SAMSN1: variants seen among roughly 807,000 people sequenced by gnomAD.
SAMSN1 encodes SAM domain-containing protein SAMSN-1.
A neutral mutation model predicts 42.0 loss-of-function variants in SAMSN1; 31 were observed. The observed-to-expected ratio is 0.74, with a 90% CI of 0.55 to 1.00. The LOEUF (loss-of-function observed/expected upper bound fraction) is 1.00, where lower values mean the gene tolerates loss of function less well. Ranked by LOEUF, SAMSN1 falls within the 50% of genes least tolerant of loss-of-function variation. The probability of loss-of-function intolerance (pLI) is 0.00; values close to 1 mark genes in which losing one functional copy is unlikely to be tolerated. For missense variants in SAMSN1, 464 were observed against 439.4 expected (o/e 1.06, Z -0.50); for synonymous variants, 178 against 151.9 (o/e 1.17, Z -1.26).
At chr21:14,632,419 G>T in intron 2 of SAMSN1, among the ~76,000 whole-genome samples, 1 of 151,820 alleles carries the variant, frequency 6.6e-6, no homozygotes, top group East Asian at 1.9e-4. Context: ...TATTAGTTAT[G>T]TATTGTGCAA....
intron 2 of SAMSN1, among the ~76,000 whole-genome samples, chr21:14,571,101 C>T (rs543906587): frequency 3.3e-5 from 5 of 152,164 alleles, no homozygotes; most frequent in Admixed American, 6.6e-5. Context: ...CTATTATTGG[C>T]CTTCACAGAA....
chr21:14,634,370 G>A (rs912222414), intron 2 of SAMSN1, among the ~76,000 whole-genome samples: 1 of 151,988 alleles, frequency 6.6e-6, no homozygotes, highest in Admixed American at 6.6e-5. Context: ...TCATCAGAAT[G>A]AACAGGCAAT....
At chr21:14,606,936 C>T (rs1333636652) in intron 5 of SAMSN1, among the ~76,000 whole-genome samples, 1 of 152,058 alleles carries the variant, frequency 6.6e-6, no homozygotes, top group East Asian at 1.9e-4. Context: ...TTCATCAGGT[C>T]CCAATACTCT....
At chr21:14,615,857 C>G in intron 3 of SAMSN1, 1 of 323,464 alleles carries the variant, frequency 3.1e-6, no homozygotes, top group Non-Finnish European at 5.4e-6. Context: ...TTGTACATGA[C>G]AGCTGCAAAA....
intron 1 of SAMSN1, among the ~76,000 whole-genome samples, chr21:14,541,910 A>G (rs992802505): frequency 9.9e-5 from 15 of 152,020 alleles, no homozygotes; most frequent in Admixed American, 5.9e-4. Context: ...GGAGAGTCAC[A>G]TAAGCTCAGG....
At chr21:14,637,944 T>A (rs1208030153) in intron 2 of SAMSN1, among the ~76,000 whole-genome samples, 1 of 152,160 alleles carries the variant, frequency 6.6e-6, no homozygotes, top group Non-Finnish European at 1.5e-5. Flanking sequence ...TGTGTGTGTG[T>A]GTTTTGGTTT....
chr21:14,645,032 T>G (rs1254643601), intron 1 of SAMSN1, among the ~76,000 whole-genome samples: 3 of 152,148 alleles, frequency 2.0e-5, no homozygotes, highest in African/African-American at 7.2e-5. Context: ...TGTTTTAGAC[T>G]CTAATCCCTG....
chr21:14,521,850 A>C (rs1054125331), intron 1 of SAMSN1, among the ~76,000 whole-genome samples: 8 of 152,040 alleles, frequency 5.3e-5, no homozygotes, highest in African/African-American at 1.9e-4. Flanking sequence ...CATCCTGTAC[A>C]TGTACCCCGA....
intron 5 of SAMSN1, among the ~76,000 whole-genome samples, chr21:14,602,443 T>C (rs1439723598): frequency 1.3e-5 from 2 of 152,178 alleles, no homozygotes; most frequent in Non-Finnish European, 2.9e-5. Flanking sequence ...CATGCAGTTA[T>C]CACCTCACCT....
At chr21:14,531,234 C>T (rs1400277106) in intron 1 of SAMSN1, among the ~76,000 whole-genome samples, 2 of 151,910 alleles carry the variant, frequency 1.3e-5, no homozygotes, top group African/African-American at 4.8e-5. Context: ...AACTTAAATA[C>T]CAAATTTATT....
intron 2 of SAMSN1, among the ~76,000 whole-genome samples, chr21:14,624,912 C>A (rs997540924): frequency 6.6e-6 from 1 of 152,120 alleles, no homozygotes; most frequent in Non-Finnish European, 1.5e-5. Context: ...AGTAGCCCAT[C>A]AAAAAGCTTA....
At chr21:14,607,984 G>T (rs1281523067) in intron 5 of SAMSN1, among the ~76,000 whole-genome samples, 1 of 152,204 alleles carries the variant, frequency 6.6e-6, no homozygotes, top group East Asian at 1.9e-4. Flanking sequence ...AGGTGTGGAT[G>T]CATATAGCTG....
At chr21:14,578,384 A>AG (rs1981575854) in intron 2 of SAMSN1, among the ~76,000 whole-genome samples, 2 of 152,166 alleles carry the variant, frequency 1.3e-5, no homozygotes, top group South Asian at 4.1e-4. Flanking sequence ...TGGGTGAACA[A>AG]GGACTTCCTC....
intron 5 of SAMSN1, among the ~76,000 whole-genome samples, chr21:14,606,312 T>A (rs1227707561): frequency 6.6e-6 from 1 of 152,230 alleles, no homozygotes; most frequent in South Asian, 2.1e-4. Flanking sequence ...ACTGATTGAT[T>A]GAAAAATTTC....
intron 1 of SAMSN1, among the ~76,000 whole-genome samples, chr21:14,649,084 G>A (rs1479291887): frequency 1.3e-5 from 2 of 151,998 alleles, no homozygotes; most frequent in Non-Finnish European, 2.9e-5. Flanking sequence ...GGAATACTAT[G>A]CAGCCATAAA....
chr21:14,539,182 T>C (rs954768607), intron 1 of SAMSN1, among the ~76,000 whole-genome samples: 1 of 152,208 alleles, frequency 6.6e-6, no homozygotes, highest in African/African-American at 2.4e-5. Flanking sequence ...GTTGTACTGA[T>C]ACACAAACAT....
chr21:14,619,984 A>G lies in SAMSN1; in HGVS notation c.157-3968T>C, dbSNP rs1182813791. ...GAGGAGGAGAAGGGGAGAGTAATTC[A>G]GAGAGTGATCTTCTTAGATTTTATG... On this transcript the variant is annotated intron_variant, in intron 2 of 15. Transcript: ENST00000647101. 2.6e-5 allele frequency among the ~76,000 whole-genome samples: 4 copies of G among 151,700 alleles called. 1 individual carries two copies. Among genetic ancestry groups the G allele is most frequent in the South Asian group, 2.1e-4 (1 of 4,826 alleles).
At chr21:14,584,542 T>C (rs756737539), upstream of SAMSN1, among the ~76,000 whole-genome samples, 1 of 152,214 alleles carries the variant, frequency 6.6e-6, no homozygotes, top group Non-Finnish European at 1.5e-5. Flanking sequence ...ATAGTTCCTC[T>C]TAAGGATTTC....
intron 5 of SAMSN1, among the ~76,000 whole-genome samples, chr21:14,501,489 C>T (rs1436621344): frequency 2.0e-5 from 3 of 152,132 alleles, no homozygotes; most frequent in Admixed American, 1.3e-4. Flanking sequence ...AAAATTGATG[C>T]TCTTTTTATT....
Sources: allele counts gnomAD v4.1 joint callset (sites outside exome capture counted in the v4.1 genomes callset), GRCh38; gene constraint gnomAD v4.1.1; transcripts MANE v1.5; gene names NCBI Gene and HGNC (gene_info 2026-07-23, HGNC 2026-07-21).